Variants in PLEC observed in about 807,000 individuals in gnomAD.
The protein encoded by PLEC is hemidesmosomal protein 1.
Under a neutral mutation model 392.8 loss-of-function variants are expected in PLEC, and 216 were observed. The observed-to-expected ratio is 0.55, with a 90% CI of 0.49 to 0.62. PLEC has a LOEUF of 0.62. PLEC is among the 20% of genes least tolerant of loss of function. The pLI, the probability that PLEC is intolerant of heterozygous loss-of-function variation, is 0.00. For synonymous variants in PLEC, 3,621 were observed against 2,980.6 expected (o/e 1.21, Z -7.00); for missense variants, 6,863 against 6,563.4 (o/e 1.05, Z -1.58).
upstream of PLEC, chr8:143,944,541 G>T: frequency 1.7e-6 from 1 of 600,782 alleles, no homozygotes; most frequent in Non-Finnish European, 2.7e-6. Flanking sequence ...GCTGTGTGCA[G>T]GGCGAGGGAC....
At position 143,973,376 on chromosome 8, in the gene PLEC, G is replaced by C. The variant is rs1554744912; in HGVS notation, c.70+27C>G. 2 of 1,557,380 alleles carry C rather than the reference G, an allele frequency of 1.3e-6. No homozygotes were observed. Among genetic ancestry groups the C allele is most frequent in the South Asian group, 1.2e-5 (1 of 84,820 alleles). On this transcript the variant is annotated intron_variant, in intron 1 of 31. Transcript: ENST00000356346. The surrounding 1 kb of genome is among the most constrained non-coding windows in gnomAD (Gnocchi z 5.6). Reference sequence around the variant, plus strand: ...GCGGCTGGGCTGTCAGGAGCGGCCCGACAGGCAGCGGGACGGGGGGCCGTA... The same window carrying C: ...GCGGCTGGGCTGTCAGGAGCGGCCCCACAGGCAGCGGGACGGGGGGCCGTA...
upstream of PLEC, among the ~76,000 whole-genome samples, chr8:143,940,695 C>T (rs978589452): frequency 2.0e-5 from 3 of 152,172 alleles, no homozygotes; most frequent in Admixed American, 1.3e-4. Flanking sequence ...GAGCTGCACT[C>T]GGCCTCAGTT....
chr8:143,930,866 A>C (rs1587046290), intron 19 of PLEC, among the ~76,000 whole-genome samples: 2 of 149,972 alleles, frequency 1.3e-5, no homozygotes, highest in Admixed American at 6.6e-5. Context: ...CTCCCATCCC[A>C]CCCCTCTGCG....
At chr8:143,954,198 AC>A (rs1382759988), upstream of PLEC, among the ~76,000 whole-genome samples, 3 of 151,876 alleles carry the variant, frequency 2.0e-5, no homozygotes, top group Middle Eastern at 3.2e-3. The surrounding 1 kb of genome is among the most constrained non-coding windows in gnomAD (Gnocchi z 4.6). Flanking sequence ...TGCAGGAGAT[AC>A]CCACCCATCC....
intron 1 of PLEC, among the ~76,000 whole-genome samples, chr8:143,947,728 C>A (rs1554733085): frequency 6.6e-6 from 1 of 152,176 alleles, no homozygotes; most frequent in African/African-American, 2.4e-5. Context: ...CCAGCCTGGG[C>A]AACAGAGCGG....
Position 143,927,519 on chromosome 8 carries a change from G to T in PLEC, c.3647C>A (p.Ala1216Glu). The T allele has an allele frequency of 6.3e-7, 1 of 1,597,466 alleles. No individual in the cohort carries two copies. The highest frequency in any genetic ancestry group is 8.5e-7 in the Non-Finnish European group (1 of 1,179,014). ...GRQLRYYRES[A>E]DPLGAWLQDA... The stretch of plus-strand genomic sequence containing the variant: ...CTGCAGCCAGGCGCCCAAGGGGTCT[G>T]CACTCTCGCGGTAGTAACGCAGCTG... The change falls in exon 27 of 32, where the codon GCA becomes GAA. Residue 1216 changes from alanine (A) to glutamate (E), a missense_variant. By Grantham distance (107) the Ala-to-Glu change is moderately radical. Coordinates refer to ENST00000345136, the MANE Select transcript of PLEC (RefSeq NM_201384.3).
At chr8:143,972,288 G>T (rs1284405226) in intron 1 of PLEC, among the ~76,000 whole-genome samples, 1 of 152,224 alleles carries the variant, frequency 6.6e-6, no homozygotes, top group Non-Finnish European at 1.5e-5. Context: ...CAGGCTGCCC[G>T]CTCCAGGCCT....
chr8:143,967,294 C>T (rs891402167), intron 1 of PLEC, among the ~76,000 whole-genome samples: 1 of 125,852 alleles, frequency 7.9e-6, no homozygotes, highest in Non-Finnish European at 1.6e-5. Context: ...ACCCGGGAGG[C>T]GGAGGTTGCA....
Position 143,916,913 on chromosome 8 carries a change from A to G in PLEC, c.12908T>C (p.Val4303Ala). The change falls in exon 32 of 32, where the codon GTG (valine) becomes GCG (alanine). Residue 4303 changes from valine (V) to alanine (A), a missense_variant. Physicochemically the swap from Val to Ala is moderately conservative, Grantham distance 64. Coordinates refer to ENST00000345136, the MANE Select transcript of PLEC (RefSeq NM_201384.3). ...CAGCCGCTGCCCCGTGATGTTATCC[A>G]CCAGGTTCCGGTGCATGGCCTCGGT... ...SITEAMHRNL[V>A]DNITGQRLLE... The G allele has an allele frequency of 6.2e-7, 1 of 1,612,874 alleles. No individual in the cohort carries two copies. The highest frequency in any genetic ancestry group is 8.5e-7 in the Non-Finnish European group (1 of 1,179,948).
At position 143,918,966 on chromosome 8, in the gene PLEC, T is replaced by G; in HGVS notation, c.10855A>C (p.Ile3619Leu). The change falls in exon 32 of 32, where the codon ATC (isoleucine) becomes CTC (leucine). Residue 3619 changes from isoleucine to leucine, a missense_variant. Physicochemically the swap from Ile to Leu is conservative, Grantham distance 5. Transcript: ENST00000345136. ...QAGRVTKERMIIIIIEIIEKT... is the reference protein window; with the variant it reads ...QAGRVTKERMLIIIIEIIEKT... The stretch of plus-strand genomic sequence containing the variant: ...TCAATGATCTCGATGATGATGATGA[T>G]CATGCGTTCCTTGGTCACCCGGCCG... 1 of 1,610,856 alleles carries G rather than the reference T, an allele frequency of 6.2e-7. No individual in the cohort carries two copies. Among genetic ancestry groups the G allele is most frequent in the Non-Finnish European group, 8.5e-7 (1 of 1,180,000 alleles).
At position 143,918,248 on chromosome 8, in the gene PLEC, G is replaced by A. The variant is rs373863249; in HGVS notation, c.11573C>T (p.Thr3858Met). The A allele has an allele frequency of 8.2e-5, 130 of 1,591,256 alleles. 1 individual carries two copies. In the Admixed American group the frequency reaches 1.3e-3, roughly 16 times the overall value. The change falls in exon 32 of 32, where the codon ACG becomes ATG. Residue 3858 changes from threonine (T) to methionine (M), a missense_variant. Transcript: ENST00000345136. ...ACGACGGCACCGCCTGAGCAGCTGC[G>A]TGTAGCTGAGGCGCTCGTCGGTGGA... ...DPSTDERLSY[T>M]QLLRRCRRDD...
chr8:143,915,196 C>G lies in PLEC; in HGVS notation c.*981G>C, dbSNP rs555009100. The G allele has an allele frequency of 5.2e-5, 8 of 152,682 alleles. No homozygotes were observed. Among genetic ancestry groups the G allele is most frequent in the African/African-American group, 1.9e-4 (8 of 41,584 alleles). The allele number at this position is 152,682 out of a possible 1,614,324, so 9.5% of individuals were successfully genotyped here. ...ATTGGGGGCGGATACCGCAAGGCCC[C>G]GCCCACGGTCAGGTTAGTGTTCTGC... On this transcript the variant is annotated 3_prime_UTR_variant, in exon 32 of 32. Coordinates refer to ENST00000345136, the MANE Select transcript of PLEC (RefSeq NM_201384.3).
intron 12 of PLEC, among the ~76,000 whole-genome samples, 180 bp downstream of exon 12, chr8:143,933,818 G>C (rs1236274564): frequency 1.3e-5 from 2 of 152,214 alleles, no homozygotes; most frequent in East Asian, 3.9e-4. Flanking sequence ...GGCAGTGAGA[G>C]TTAGCTGCAC....
upstream of PLEC, among the ~76,000 whole-genome samples, chr8:143,939,952 G>A (rs931075120): frequency 1.3e-5 from 2 of 152,194 alleles, no homozygotes; most frequent in Admixed American, 6.5e-5. Flanking sequence ...CTGAGGCCAC[G>A]CCTCTCTTTG....
At position 143,933,249 on chromosome 8, in the gene PLEC, C is replaced by G. The variant is rs782655007; in HGVS notation, c.1366G>C (p.Val456Leu). ...DSMIRLLFNDVQTLKDGRHPQ... is the reference protein window; with the variant it reads ...DSMIRLLFNDLQTLKDGRHPQ... ...TGCCGTCCATCCTTGAGGGTCTGCA[C>G]GTCGTTGAAGAGCAGCCGGATCATG... The change falls in exon 13 of 32, where the codon GTG becomes CTG. Residue 456 changes from valine (V) to leucine (L), a missense_variant. Physicochemically the swap from Val to Leu is conservative, Grantham distance 32. Transcript: ENST00000345136. 3.7e-6 allele frequency: 6 copies of G among 1,613,146 alleles called. No individual in the cohort carries two copies. The highest frequency in any genetic ancestry group is 4.2e-6 in the Non-Finnish European group (5 of 1,179,982).
At position 143,921,430 on chromosome 8, in the gene PLEC, G is replaced by C; in HGVS notation, c.8391C>G (p.Ile2797Met). 1 of 1,613,370 alleles carries C rather than the reference G, an allele frequency of 6.2e-7. No individual in the cohort carries two copies. Among genetic ancestry groups the C allele is most frequent in the South Asian group, 1.1e-5 (1 of 91,064 alleles). The change falls in exon 32 of 32, where the codon ATC becomes ATG. Residue 2797 changes from isoleucine (I) to methionine (M), a missense_variant. Ile to Met is a conservative substitution (Grantham distance 10, BLOSUM62 1). Coordinates refer to ENST00000345136, the MANE Select transcript of PLEC (RefSeq NM_201384.3). ...SLFQAMQKGL[I>M]VREHGIRLLE... ...GCAGGCGGATGCCGTGCTCCCGGAC[G>C]ATGAGGCCCTTCTGCATGGCTTGGA...
At position 143,920,372 on chromosome 8, in the gene PLEC, T is replaced by C. The variant is rs1822165145; in HGVS notation, c.9449A>G (p.His3150Arg). Residue 3150 changes from histidine to arginine, a missense_variant, in exon 32 of 32, where the codon CAC (histidine) becomes CGC (arginine). By Grantham distance (29) the His-to-Arg change is conservative. Coordinates refer to ENST00000345136, the MANE Select transcript of PLEC (RefSeq NM_201384.3). ...TGGIVDPSKS[H>R]RVPLDVACAR... The stretch of plus-strand genomic sequence containing the variant: ...GCAGGCGACATCCAGGGGCACGCGG[T>C]GGCTCTTGCTGGGGTCCACGATGCC... 6.3e-7 allele frequency: 1 copy of C among 1,592,438 alleles called. No individual in the cohort carries two copies. The highest frequency in any genetic ancestry group is 8.5e-7 in the Non-Finnish European group (1 of 1,173,054).
chr8:143,951,315 G>A (rs1414975809), upstream of PLEC, among the ~76,000 whole-genome samples: 9 of 152,258 alleles, frequency 5.9e-5, no homozygotes, highest in East Asian at 1.7e-3. Flanking sequence ...GGCCTGGAGG[G>A]ATGAGGGATG....
At chr8:143,967,563 C>T (rs1564232818) in intron 1 of PLEC, among the ~76,000 whole-genome samples, 2 of 152,114 alleles carry the variant, frequency 1.3e-5, no homozygotes, top group East Asian at 1.9e-4. Flanking sequence ...TCGGTATCAG[C>T]GGGAGATGGG....
Sources: allele counts gnomAD v4.1 joint callset (sites outside exome capture counted in the v4.1 genomes callset), GRCh38; gene constraint gnomAD v4.1.1; non-coding constraint Gnocchi (gnomAD v3.1); transcripts MANE v1.5; gene names NCBI Gene and HGNC (gene_info 2026-07-23, HGNC 2026-07-21).